ITPRID2: variants seen among roughly 807,000 people sequenced by gnomAD.
ITPRID2 encodes the protein ITPR interacting domain containing 2, also known as protein ITPRID2.
A neutral mutation model predicts 124.3 loss-of-function variants in ITPRID2; 60 were observed. The observed-to-expected ratio is 0.48, with a 90% CI of 0.39 to 0.60. The LOEUF (loss-of-function observed/expected upper bound fraction) is 0.60, where lower values mean the gene tolerates loss of function less well. ITPRID2 is among the 20% of genes least tolerant of loss of function. The pLI is 0.00. For synonymous variants in ITPRID2, 521 were observed against 542.9 expected (o/e 0.96, Z 0.56); for missense variants, 1,553 against 1,512.2 (o/e 1.03, Z -0.45).
At chr2:181,925,041 G>A (rs149950174) in intron 16 of ITPRID2, among the ~76,000 whole-genome samples, 186 of 152,312 alleles carry the variant, frequency 1.2e-3, no homozygotes, top group African/African-American at 4.2e-3. Context: ...AGATTGCTTT[G>A]TGTTTAGAGA....
intron 8 of ITPRID2, among the ~76,000 whole-genome samples, chr2:181,904,258 G>GGTT (rs201093308): frequency 0.037 from 5,585 of 152,154 alleles, 136 homozygotes; most frequent in South Asian, 0.1. Context: ...AATGAAGAAA[G>GGTT]CAATGTAGCA....
Position 181,896,773 on chromosome 2 carries a change from T to C in ITPRID2, c.308-135T>C, listed in dbSNP as rs1692236030. On this transcript the variant is annotated intron_variant, in intron 3 of 17. Transcript: ENST00000431877. This position sits in a 1 kb window ranked among gnomAD's most constrained non-coding sequence, Gnocchi z 4.3. Reference sequence around the variant, plus strand: ...TCTTGAAGTTATATAATCAGAATAATGTCTGAGTACATTCAAGTCTGAAAG... The same window carrying C: ...TCTTGAAGTTATATAATCAGAATAACGTCTGAGTACATTCAAGTCTGAAAG... 2 of 705,200 alleles carry C rather than the reference T, an allele frequency of 2.8e-6. No homozygotes were observed. Among genetic ancestry groups the C allele is most frequent in the African/African-American group, 1.8e-5 (1 of 56,162 alleles). 43.7% of individuals were successfully genotyped at this position (705,200 alleles called of 1,614,324 possible).
At chr2:181,904,329 A>T (rs1692924241) in intron 8 of ITPRID2, among the ~76,000 whole-genome samples, 1 of 150,224 alleles carries the variant, frequency 6.7e-6, no homozygotes, top group African/African-American at 2.4e-5. Context: ...ATAATGGGAG[A>T]TTTTTTTTTT....
chr2:181,920,521 G>T, intron 14 of ITPRID2, 76 bp from the exon 15 acceptor site: 1 of 1,063,596 alleles, frequency 9.4e-7, no homozygotes, highest in South Asian at 1.7e-5. Flanking sequence ...AAATATATAT[G>T]TACATTATAA....
At chr2:181,906,224 C>T (rs936317632) in intron 8 of ITPRID2, among the ~76,000 whole-genome samples, 30 of 152,088 alleles carry the variant, frequency 2.0e-4, no homozygotes, top group African/African-American at 7.0e-4. Context: ...TGTTTTATAG[C>T]AGTGGTTCTT....
At position 181,896,777 on chromosome 2, in the gene ITPRID2, T is replaced by C. The variant is rs1232596981; in HGVS notation, c.308-131T>C. The C allele has an allele frequency of 1.1e-5, 8 of 715,690 alleles. No homozygotes were observed. The highest frequency in any genetic ancestry group is 6.8e-5 in the Admixed American group (3 of 43,878). The allele number at this position is 715,690 out of a possible 1,614,324, so 44.3% of individuals were successfully genotyped here. On this transcript the variant is annotated intron_variant, in intron 3 of 17. Transcript: ENST00000431877. This position sits in a 1 kb window ranked among gnomAD's most constrained non-coding sequence, Gnocchi z 4.3. ...GAAGTTATATAATCAGAATAATGTCTGAGTACATTCAAGTCTGAAAGATTT... is the reference window on the plus strand; with the variant it reads ...GAAGTTATATAATCAGAATAATGTCCGAGTACATTCAAGTCTGAAAGATTT...
intron 8 of ITPRID2, among the ~76,000 whole-genome samples, chr2:181,908,722 A>G (rs1475860198): frequency 1.3e-5 from 2 of 152,214 alleles, no homozygotes; most frequent in East Asian, 3.8e-4. Flanking sequence ...GGGTAATACT[A>G]TCTTTAACCT....
intron 17 of ITPRID2, 84 bp downstream of exon 17, chr2:181,928,362 G>C: frequency 1.2e-6 from 1 of 801,292 alleles, no homozygotes; most frequent in South Asian, 2.1e-5. Context: ...ATACAGGTTT[G>C]GTTCTCTAGT....
Position 181,919,252 on chromosome 2 carries a change from C to A in ITPRID2, c.2994-44C>A. 1 of 1,607,578 alleles carries A rather than the reference C, an allele frequency of 6.2e-7. No homozygotes were observed. The highest frequency in any genetic ancestry group is 8.5e-7 in the Non-Finnish European group (1 of 1,177,984). On this transcript the variant is annotated intron_variant, in intron 13 of 17. Coordinates refer to ENST00000431877, the MANE Select transcript of ITPRID2 (RefSeq NM_001130445.3). This position sits in a 1 kb window ranked among gnomAD's most constrained non-coding sequence, Gnocchi z 4.2. ...TGAAAGATTTGTGATTAGGAATCTC[C>A]AAACTGCATTTTTCCAATTTTGTGC...
intron 8 of ITPRID2, among the ~76,000 whole-genome samples, chr2:181,906,054 A>T (rs1693084389): frequency 6.6e-6 from 1 of 152,210 alleles, no homozygotes; most frequent in African/African-American, 2.4e-5. Flanking sequence ...AAAATAAATG[A>T]TATTTTTGTG....
Position 181,913,931 on chromosome 2 carries a change from C to T in ITPRID2, c.1573C>T (p.Gln525Ter). ...STDCLSLNHLQVQESLQAMGS... is the reference protein window; with the variant it reads ...STDCLSLNHL ...AGACTGCCTATCCCTTAATCATCTTCAGGTAAAATTTTCTGTTCTAATAGG... is the reference window on the plus strand; with the variant it reads ...AGACTGCCTATCCCTTAATCATCTTTAGGTAAAATTTTCTGTTCTAATAGG... Residue 525 changes from glutamine to a stop codon, truncating the protein, a stop_gained and splice_region_variant, in exon 10 of 18, where the codon CAG (glutamine) becomes TAG (stop). Transcript: ENST00000431877. LOFTEE classifies it high-confidence loss of function. The T allele has an allele frequency of 6.2e-7, 1 of 1,610,928 alleles. No homozygotes were observed. The highest frequency in any genetic ancestry group is 8.5e-7 in the Non-Finnish European group (1 of 1,178,608).
At chr2:181,894,704 T>A (rs1692043944) in intron 2 of ITPRID2, 1 of 152,038 alleles carries the variant, frequency 6.6e-6, no homozygotes, top group Non-Finnish European at 1.5e-5. Flanking sequence ...TTAAAGGGAG[T>A]CTTTATTTTG....
At chr2:181,894,066 G>T (rs552230885) in intron 2 of ITPRID2, 16 of 152,040 alleles carry the variant, frequency 1.1e-4, no homozygotes, top group Non-Finnish European at 1.9e-4. Context: ...CTTACTTTAG[G>T]TTTCTTAAAA....
intron 16 of ITPRID2, among the ~76,000 whole-genome samples, chr2:181,923,832 T>G (rs563105074): frequency 3.3e-5 from 5 of 152,294 alleles, no homozygotes; most frequent in Middle Eastern, 3.4e-3. Context: ...TGGCCTGATA[T>G]GTCCTGTAGG....
At chr2:181,906,876 T>C (rs2125080631) in intron 8 of ITPRID2, among the ~76,000 whole-genome samples, 1 of 152,330 alleles carries the variant, frequency 6.6e-6, no homozygotes, top group Non-Finnish European at 1.5e-5. Context: ...GAAGGTCAGA[T>C]ATGTTGGTAT....
Position 181,918,871 on chromosome 2 carries a change from T to A in ITPRID2, c.2982T>A (p.Thr994=). Residue 994 remains threonine, a synonymous_variant, in exon 13 of 18, where the codon ACT becomes ACA. Coordinates refer to ENST00000431877, the MANE Select transcript of ITPRID2 (RefSeq NM_001130445.3). ...AAACCATGGTTTATCATCATATGAC[T>A]GAGGAGGAGAGGTAAAAGTTCATTT... ...RQQTMVYHHM[T]EEERFEVDQL... 1 of 1,613,970 alleles carries A rather than the reference T, an allele frequency of 6.2e-7. No homozygotes were observed. The highest frequency in any genetic ancestry group is 8.5e-7 in the Non-Finnish European group (1 of 1,179,968).
intron 16 of ITPRID2, among the ~76,000 whole-genome samples, chr2:181,925,833 G>A (rs1464318388): frequency 6.6e-6 from 1 of 152,076 alleles, no homozygotes; most frequent in Non-Finnish European, 1.5e-5. Context: ...TATCTCCACT[G>A]TCATCTGAAA....
In ITPRID2 at chr2:181,913,048, T is replaced by C. The variant is rs371756443; in HGVS notation, c.1487-797T>C. Among the ~76,000 whole-genome samples the C allele has an allele frequency of 9.2e-5, 14 of 152,244 alleles. No homozygotes were observed. The East Asian group carries it at 2.3e-3, about 25-fold the overall frequency. On this transcript the variant is annotated intron_variant, in intron 9 of 17. Transcript: ENST00000431877. ...TTGCATTTCAGATTATTTAATTTAC[T>C]GGCCTTAATTGTATTTATTTATTTA... is the stretch of plus-strand genomic sequence containing the variant.
rs1374858914 is a variant in ITPRID2 at position 181,915,620 on chromosome 2, C to A, written c.1980C>A (p.His660Gln). The A allele has an allele frequency of 1.2e-6, 2 of 1,614,042 alleles. No homozygotes were observed. Among genetic ancestry groups the A allele is most frequent in the Admixed American group, 1.7e-5 (1 of 60,004 alleles). The change falls in exon 11 of 18, where the codon CAC (histidine) becomes CAA (glutamine). Residue 660 changes from histidine to glutamine, a missense_variant. By Grantham distance (24) the His-to-Gln change is conservative. Transcript: ENST00000431877. ...GTGAATTTACTCAGTATACCACACA[C>A]CATATTCTGAAATCATTGGCTTCTA... ...SESEFTQYTT[H>Q]HILKSLASIE...
Sources: allele counts gnomAD v4.1 joint callset (sites outside exome capture counted in the v4.1 genomes callset), GRCh38; gene constraint gnomAD v4.1.1; non-coding constraint Gnocchi (gnomAD v3.1); transcripts MANE v1.5; gene names NCBI Gene and HGNC (gene_info 2026-07-23, HGNC 2026-07-21).